The following KLF15 variants were observed in gnomAD, a reference collection of about 807,000 sequenced individuals.
The protein encoded by KLF15 is Krueppel-like factor 15.
Under a neutral mutation model 24.6 loss-of-function variants are expected in KLF15, and 4 were observed. That is an observed-to-expected ratio of 0.16 (90% CI 0.08 to 0.37). The LOEUF is 0.37. Among genes scored for constraint, KLF15 ranks in the 10% least tolerant of loss-of-function variants. KLF15 has a pLI of 1.00. For missense variants in KLF15, 496 were observed against 560.6 expected (o/e 0.88, Z 1.16); for synonymous variants, 246 against 236.3 (o/e 1.04, Z -0.37).
intron 2 of KLF15, among the ~76,000 whole-genome samples, chr3:126,351,511 G>C (rs928203019): frequency 6.6e-6 from 1 of 152,136 alleles, no homozygotes; most frequent in Non-Finnish European, 1.5e-5. Flanking sequence ...CCGCTGCCTG[G>C]CCCCTAGACC....
At chr3:126,345,478 C>T (rs1284814245) in intron 2 of KLF15, among the ~76,000 whole-genome samples, 1 of 152,092 alleles carries the variant, frequency 6.6e-6, no homozygotes, top group Non-Finnish European at 1.5e-5. Context: ...CATGCACGCA[C>T]ACACACACGG....
chr3:126,319,276 A>T, the KLF15 span, among the ~76,000 whole-genome samples: 1 of 152,232 alleles, frequency 6.6e-6, no homozygotes, highest in African/African-American at 2.4e-5. Context: ...TTGTGTGGAC[A>T]TAAGTTTTCA....
downstream of KLF15, among the ~76,000 whole-genome samples, chr3:126,340,010 G>C (rs932717352): frequency 1.2e-4 from 19 of 152,190 alleles, no homozygotes; most frequent in African/African-American, 4.6e-4. Context: ...ACACTTATCA[G>C]TGATGCCCTT....
At chr3:126,291,188 C>A in the KLF15 span, 1 of 152,276 alleles carries the variant, frequency 6.6e-6, no homozygotes, top group African/African-American at 2.4e-5. Flanking sequence ...ATGGCAGAAA[C>A]CTACTTACAA....
At chr3:126,296,368 C>T in the KLF15 span, among the ~76,000 whole-genome samples, 8 of 152,224 alleles carry the variant, frequency 5.3e-5, no homozygotes, top group South Asian at 2.1e-4. Flanking sequence ...CCACCATGCC[C>T]GGCTAATTTT....
the KLF15 span, among the ~76,000 whole-genome samples, chr3:126,320,970 C>T: frequency 1.3e-5 from 2 of 152,162 alleles, no homozygotes; most frequent in African/African-American, 4.8e-5. Flanking sequence ...TCCTCAGTCC[C>T]GGAAAGGTGG....
the KLF15 span, among the ~76,000 whole-genome samples, chr3:126,298,880 A>T: frequency 6.6e-6 from 1 of 152,180 alleles, no homozygotes; most frequent in Non-Finnish European, 1.5e-5. Context: ...CTTGTGATAT[A>T]GTTTGAAGTC....
chr3:126,301,978 A>G, the KLF15 span, among the ~76,000 whole-genome samples: 2 of 152,038 alleles, frequency 1.3e-5, no homozygotes, highest in African/African-American at 2.4e-5. Context: ...AACTAAGGAC[A>G]TTGATTTGAG....
In KLF15 at chr3:126,343,886, G is replaced by C. The variant is rs750283827; in HGVS notation, c.1092C>G (p.Arg364=). The change falls in exon 3 of 3, where the codon CGC becomes CGG. Residue 364 remains arginine (R), a synonymous_variant. Transcript: ENST00000296233. ...GCCTGTGCCGCGACAGCTCGTCAGA[G>C]CGCGAGAACCTGCGGGACATGGCGC... ...TWPGCGWRFS[R]SDELSRHRRS... 14 of 1,590,828 alleles carry C rather than the reference G, an allele frequency of 8.8e-6. No homozygotes were observed. Among genetic ancestry groups the C allele is most frequent in the Admixed American group, 3.6e-5 (2 of 56,142 alleles).
At chr3:126,300,045 G>A in the KLF15 span, among the ~76,000 whole-genome samples, 1 of 152,290 alleles carries the variant, frequency 6.6e-6, no homozygotes, top group East Asian at 1.9e-4. Flanking sequence ...GGCCTCAGAA[G>A]CTGGCTGTCA....
intron 1 of KLF15, among the ~76,000 whole-genome samples, 152 bp downstream of exon 1, chr3:126,357,085 G>A (rs2082639725): frequency 6.6e-6 from 1 of 151,552 alleles, no homozygotes; most frequent in African/African-American, 2.4e-5. Context: ...CTCCGCGGGG[G>A]CCCATCCCGC....
At chr3:126,307,143 C>T in the KLF15 span, among the ~76,000 whole-genome samples, 1 of 152,200 alleles carries the variant, frequency 6.6e-6, no homozygotes, top group Non-Finnish European at 1.5e-5. Flanking sequence ...TCCAGCACCC[C>T]AAGCAGTACC....
chr3:126,319,686 T>C, the KLF15 span, among the ~76,000 whole-genome samples: 1 of 152,246 alleles, frequency 6.6e-6, no homozygotes, highest in African/African-American at 2.4e-5. Flanking sequence ...CTGATCACAA[T>C]TAAACCCTCA....
At chr3:126,340,200 T>C (rs1378183247), downstream of KLF15, among the ~76,000 whole-genome samples, 3 of 152,250 alleles carry the variant, frequency 2.0e-5, no homozygotes, top group African/African-American at 7.2e-5. Context: ...TCCTGCAACA[T>C]GTGCCCCACA....
chr3:126,300,858 A>G, the KLF15 span, among the ~76,000 whole-genome samples: 1 of 152,192 alleles, frequency 6.6e-6, no homozygotes, highest in Admixed American at 6.5e-5. Flanking sequence ...ACAAGGAACC[A>G]TCCTCCATCC....
At chr3:126,328,327 G>A in the KLF15 span, among the ~76,000 whole-genome samples, 9 of 151,956 alleles carry the variant, frequency 5.9e-5, no homozygotes, top group African/African-American at 1.4e-4. Flanking sequence ...TTATCCACTC[G>A]TTGACTGATG....
chr3:126,307,629 C>G, the KLF15 span, among the ~76,000 whole-genome samples: 28 of 152,250 alleles, frequency 1.8e-4, no homozygotes, highest in African/African-American at 6.0e-4. Context: ...TGTTTCTTTG[C>G]TTGTGTTTGA....
At chr3:126,326,601 G>C in the KLF15 span, among the ~76,000 whole-genome samples, 1 of 152,190 alleles carries the variant, frequency 6.6e-6, no homozygotes, top group East Asian at 1.9e-4. Flanking sequence ...GAGCACGTTG[G>C]AGTGCAGAAA....
In KLF15 at chr3:126,356,247, C is replaced by T. The variant is rs940729603; in HGVS notation, c.-26+990G>A. Among the ~76,000 whole-genome samples the T allele has an allele frequency of 3.9e-5, 6 of 152,160 alleles. No homozygotes were observed. The highest frequency in any genetic ancestry group is 1.4e-4 in the African/African-American group (6 of 41,442). On this transcript the variant is annotated intron_variant, in intron 1 of 2. Coordinates refer to ENST00000296233, the MANE Select transcript of KLF15 (RefSeq NM_014079.4). This position sits in a 1 kb window ranked among gnomAD's most constrained non-coding sequence, Gnocchi z 4.4. The stretch of plus-strand genomic sequence containing the variant: ...CAAAGTCGCAGAGTCCGGGCGTCCT[C>T]ACACCTGTAGGGCGGCAGGGTCTCC...
Sources: gnomAD v4.1 joint callset for allele counts (sites outside exome capture counted in the v4.1 genomes callset) on GRCh38, gnomAD v4.1.1 for gene constraint, Gnocchi (gnomAD v3.1) non-coding constraint, MANE v1.5 for transcripts, NCBI Gene and HGNC (gene_info 2026-07-23, HGNC 2026-07-21) for gene names.